The following RBFOX1 variants were observed in gnomAD, a reference collection of about 807,000 sequenced individuals.
The protein encoded by RBFOX1 is RNA binding fox-1 homolog 1, also known as RNA binding protein fox-1 homolog 1.
A neutral mutation model predicts 57.7 loss-of-function variants in RBFOX1; 8 were observed. That is an observed-to-expected ratio of 0.14 (90% confidence interval 0.08 to 0.25). RBFOX1 has a LOEUF of 0.25. RBFOX1 is among the 10% of genes least tolerant of loss of function. The probability of loss-of-function intolerance (pLI) is 1.00; values close to 1 mark genes in which losing one functional copy is unlikely to be tolerated. For missense variants in RBFOX1, 611 were observed against 548.5 expected (o/e 1.11, Z -1.14); for synonymous variants, 326 against 222.4 (o/e 1.47, Z -4.15).
chr16:7,418,384 C>G (rs1249071305), intron 4 of RBFOX1, among the ~76,000 whole-genome samples: 22 of 152,210 alleles, frequency 1.4e-4, no homozygotes, highest in Non-Finnish European at 1.5e-5. Flanking sequence ...AGCTTTGATA[C>G]TTGCCCATGT....
At chr16:6,400,818 C>G (rs1397959538) in intron 2 of RBFOX1, among the ~76,000 whole-genome samples, 1 of 152,080 alleles carries the variant, frequency 6.6e-6, no homozygotes, top group Admixed American at 6.6e-5. Flanking sequence ...TCACGTGAAC[C>G]CAGGAGGCAG....
chr16:6,880,532 C>G (rs553955356), intron 3 of RBFOX1, among the ~76,000 whole-genome samples: 18 of 152,254 alleles, frequency 1.2e-4, no homozygotes, highest in African/African-American at 4.1e-4. Flanking sequence ...CCTTGCTAGT[C>G]AGGTTAGACA....
chr16:7,406,720 C>T (rs1027185902), intron 4 of RBFOX1, among the ~76,000 whole-genome samples: 2 of 152,334 alleles, frequency 1.3e-5, no homozygotes, highest in Admixed American at 6.5e-5. Flanking sequence ...ACTACAAATT[C>T]CGTGGCTTAC....
At chr16:6,494,367 C>T (rs748863948) in intron 2 of RBFOX1, among the ~76,000 whole-genome samples, 5 of 152,242 alleles carry the variant, frequency 3.3e-5, no homozygotes, top group Non-Finnish European at 5.9e-5. Flanking sequence ...AGCTATCTCT[C>T]GCGACCACCT....
chr16:5,530,477 C>T (rs558393476), intron 2 of RBFOX1, among the ~76,000 whole-genome samples: 72 of 152,322 alleles, frequency 4.7e-4, no homozygotes, highest in African/African-American at 1.7e-3. Flanking sequence ...TGCATTTCAC[C>T]TCTACCCTAT....
chr16:6,777,457 C>T (rs1174305069), intron 3 of RBFOX1, among the ~76,000 whole-genome samples: 1 of 152,104 alleles, frequency 6.6e-6, no homozygotes, highest in Non-Finnish European at 1.5e-5. Context: ...CAGTTTTCAG[C>T]TGCATGTAAA....
chr16:7,337,874 A>C lies in RBFOX1; in HGVS notation c.28-180273A>C, dbSNP rs143940179. On this transcript the variant is annotated intron_variant, in intron 4 of 15. Coordinates refer to ENST00000550418, the MANE Select transcript of RBFOX1 (RefSeq NM_018723.4). ...TAATTTTTATATTTTTAGTAGAGAC[A>C]GGGTTTCACCATGTTGGTTAGGCTC... 2.0e-5 allele frequency among the ~76,000 whole-genome samples: 3 copies of C among 152,236 alleles called. No homozygotes were observed. The East Asian group carries it at 5.8e-4, about 30-fold the overall frequency.
At chr16:6,900,437 C>T (rs1014165311) in intron 3 of RBFOX1, among the ~76,000 whole-genome samples, 2 of 152,188 alleles carry the variant, frequency 1.3e-5, no homozygotes, top group African/African-American at 2.4e-5. Flanking sequence ...TATCTGCTCT[C>T]CCACTTAAAA....
chr16:5,870,411 A>T (rs944639861), intron 4 of RBFOX1, among the ~76,000 whole-genome samples: 3 of 151,218 alleles, frequency 2.0e-5, no homozygotes, highest in Non-Finnish European at 4.4e-5. Context: ...CTTGGCAAGA[A>T]AAAAGAGAGA....
intron 2 of RBFOX1, among the ~76,000 whole-genome samples, chr16:6,344,333 G>A (rs1316838553): frequency 2.0e-5 from 3 of 151,440 alleles, no homozygotes; most frequent in Admixed American, 6.6e-5. Flanking sequence ...TTACAAGCAT[G>A]AGCCACCATG....
intron 4 of RBFOX1, among the ~76,000 whole-genome samples, chr16:5,938,075 G>C (rs533354436): frequency 6.6e-6 from 1 of 151,836 alleles, no homozygotes; most frequent in Non-Finnish European, 1.5e-5. Context: ...TAACATTCTG[G>C]CCAAAAGCTG....
intron 4 of RBFOX1, among the ~76,000 whole-genome samples, chr16:7,301,673 T>C (rs1354295860): frequency 3.9e-5 from 6 of 152,174 alleles, no homozygotes; most frequent in African/African-American, 1.4e-4. Context: ...ATGTTTCTTA[T>C]GAAAATGAGC....
intron 2 of RBFOX1, among the ~76,000 whole-genome samples, chr16:6,594,122 A>G (rs989399323): frequency 6.6e-6 from 1 of 152,224 alleles, no homozygotes; most frequent in Admixed American, 6.5e-5. Context: ...TGGAACAGCA[A>G]TTCATAAGAA....
intron 3 of RBFOX1, among the ~76,000 whole-genome samples, chr16:6,965,743 A>G (rs1480042313): frequency 6.6e-6 from 1 of 152,212 alleles, no homozygotes; most frequent in Non-Finnish European, 1.5e-5. Context: ...GATAATAATC[A>G]TGTTTATTAT....
intron 4 of RBFOX1, among the ~76,000 whole-genome samples, chr16:5,937,861 A>G (rs1253849841): frequency 1.3e-5 from 2 of 151,440 alleles, no homozygotes; most frequent in East Asian, 3.9e-4. Context: ...ATGTACATAT[A>G]TACATGCTTA....
chr16:7,330,525 TAGAGA>T (rs2096674728), intron 4 of RBFOX1, among the ~76,000 whole-genome samples: 1 of 132,906 alleles, frequency 7.5e-6, no homozygotes, highest in African/African-American at 2.9e-5. Flanking sequence ...TGTGTGTGTG[TAGAGA>T]GAGAGAGAGA....
At chr16:7,419,779 T>G (rs2098522030) in intron 4 of RBFOX1, among the ~76,000 whole-genome samples, 1 of 152,220 alleles carries the variant, frequency 6.6e-6, no homozygotes, top group Non-Finnish European at 1.5e-5. Context: ...TGGTTGTAAT[T>G]AACACATCGC....
intron 2 of RBFOX1, among the ~76,000 whole-genome samples, chr16:5,535,469 G>A (rs535153232): frequency 1.3e-5 from 2 of 152,186 alleles, no homozygotes; most frequent in East Asian, 1.9e-4. Context: ...CCAAGAAAAC[G>A]TGAGGTGAAA....
chr16:6,634,115 T>C (rs930044693), intron 2 of RBFOX1, among the ~76,000 whole-genome samples: 2 of 151,980 alleles, frequency 1.3e-5, no homozygotes, highest in African/African-American at 4.8e-5. Flanking sequence ...ACACAGACTA[T>C]ATCTATATTC....
Sources: gnomAD v4.1 joint callset for allele counts (sites outside exome capture counted in the v4.1 genomes callset) on GRCh38, gnomAD v4.1.1 for gene constraint, MANE v1.5 for transcripts, NCBI Gene and HGNC (gene_info 2026-07-23, HGNC 2026-07-21) for gene names.